Variants in DDX49 observed in about 807,000 individuals in gnomAD.
The protein encoded by DDX49 is DEAD-box helicase 49, also known as probable ATP-dependent RNA helicase DDX49.
Under a neutral mutation model 56.3 loss-of-function variants are expected in DDX49, and 50 were observed. The observed-to-expected ratio is 0.89, with a 90% CI of 0.71 to 1.12. The LOEUF is 1.12. Ranked by LOEUF, DDX49 falls within the 50% of genes most tolerant of loss-of-function variation. The probability of loss-of-function intolerance (pLI) is 0.00; values close to 1 mark genes in which losing one functional copy is unlikely to be tolerated. For synonymous variants in DDX49, 269 were observed against 270.6 expected (o/e 0.99, Z 0.06); for missense variants, 614 against 650.5 (o/e 0.94, Z 0.61).
intron 4 of DDX49, 157 bp downstream of exon 4, chr19:18,922,121 C>T (rs1601249224): frequency 8.1e-7 from 1 of 1,227,256 alleles, no homozygotes; most frequent in East Asian, 2.6e-5. Flanking sequence ...CGTTCAAGGA[C>T]CAACAAGAGG....
In DDX49 at chr19:18,919,849, C is replaced by A. The variant is rs1446922794; in HGVS notation, c.108C>A (p.Ile36=). ...TPVQLGCIPA[I]LEGRDCLGCA... ...TGCAGCTCGGCTGCATCCCCGCCATCCTGGAGGGTGAGTATGGCCCAGGGC... is the reference window on the plus strand; with the variant it reads ...TGCAGCTCGGCTGCATCCCCGCCATACTGGAGGGTGAGTATGGCCCAGGGC... Residue 36 remains isoleucine, a synonymous_variant, in exon 1 of 13, where the codon ATC becomes ATA. Transcript: ENST00000247003. 1 of 1,599,586 alleles carries A rather than the reference C, an allele frequency of 6.3e-7. No homozygotes were observed. The highest frequency in any genetic ancestry group is 8.6e-7 in the Non-Finnish European group (1 of 1,168,396).
At chr19:18,926,544 C>T (rs1226798273) in intron 10 of DDX49, among the ~76,000 whole-genome samples, 167 bp downstream of exon 10, 1 of 152,098 alleles carries the variant, frequency 6.6e-6, no homozygotes. Flanking sequence ...GTTCTTTTGC[C>T]CATTTATTGA....
In DDX49 at chr19:18,926,463, A is replaced by G. The variant is rs2056962548; in HGVS notation, c.1102+86A>G. 6.5e-6 allele frequency: 8 copies of G among 1,234,252 alleles called. No homozygotes were observed. In the South Asian group the frequency reaches 1.1e-4, roughly 16 times the overall value. 76.5% of individuals were successfully genotyped at this position (1,234,252 alleles called of 1,614,324 possible). A position where few individuals can be genotyped will look rare whatever the true frequency, so the allele number is the denominator to read the frequency against. ...TCGGGGTGAGACCCATTTTCCCGTC[A>G]GACACCAGCCGGCCTGCTCCCGTGA... is the stretch of plus-strand genomic sequence containing the variant. On this transcript the variant is annotated intron_variant, in intron 10 of 12. Coordinates refer to ENST00000247003, the MANE Select transcript of DDX49 (RefSeq NM_019070.5).
At position 18,928,131 on chromosome 19, in the gene DDX49, C is replaced by G. The variant is rs373510240; in HGVS notation, c.1267C>G (p.Pro423Ala). 4.4e-6 allele frequency: 7 copies of G among 1,608,688 alleles called. No individual in the cohort carries two copies. The African/African-American group carries it at 8.0e-5, about 18-fold the overall frequency. ...RKQLILEGKDPDLEAKRKAEL... is the reference protein window; with the variant it reads ...RKQLILEGKDADLEAKRKAEL... ...CCCCTGGTCCTCCCTGTGCCAGGAC[C>G]CTGACCTGGAGGCCAAGCGCAAGGC... Residue 423 changes from proline to alanine, a missense_variant, in exon 13 of 13, where the codon CCT (proline) becomes GCT (alanine). Physicochemically the swap from Pro to Ala is conservative, Grantham distance 27. Transcript: ENST00000247003.
At position 18,920,854 on chromosome 19, in the gene DDX49, A is replaced by C. The variant is rs1370763303; in HGVS notation, c.239+151A>C. On this transcript the variant is annotated intron_variant, in intron 2 of 12. Transcript: ENST00000247003. The stretch of plus-strand genomic sequence containing the variant: ...CTTAGGGGTCCTGCAGAATTAAACA[A>C]GATGGCCCCGGTGCAGTGGCTCACA... The C allele has an allele frequency of 3.9e-6, 3 of 761,796 alleles. No individual in the cohort carries two copies. In the East Asian group the frequency reaches 9.3e-5, roughly 23 times the overall value. The allele number at this position is 761,796 out of a possible 1,614,324, so 47.2% of individuals were successfully genotyped here.
At chr19:18,923,246 G>T (rs2145101325) in intron 6 of DDX49, among the ~76,000 whole-genome samples, 1 of 152,314 alleles carries the variant, frequency 6.6e-6, no homozygotes, top group East Asian at 1.9e-4. Flanking sequence ...TTGGGACTGG[G>T]TGCAGTGACT....
chr19:18,924,749 G>A (rs1264148806), intron 8 of DDX49, 50 bp downstream of exon 8: 5 of 1,613,690 alleles, frequency 3.1e-6, no homozygotes, highest in Non-Finnish European at 4.2e-6. Flanking sequence ...TTTACTACAA[G>A]GCCCCACAGA....
chr19:18,922,630 A>G lies in DDX49; in HGVS notation c.662A>G (p.Gln221Arg). ...GTGAGCACCGTGGAGCAGCTGGACCAGCGCTACCTGCTGGTGCCTGAGAAG... is the reference window on the plus strand; with the variant it reads ...GTGAGCACCGTGGAGCAGCTGGACCGGCGCTACCTGCTGGTGCCTGAGAAG... ...APVSTVEQLD[Q>R]RYLLVPEKVK... is the part of the protein sequence containing the mutation. Residue 221 changes from glutamine (Q) to arginine (R), a missense_variant, in exon 6 of 13, where the codon CAG becomes CGG. Gln to Arg is a conservative substitution (Grantham distance 43). Transcript: ENST00000247003. 6.2e-7 allele frequency: 1 copy of G among 1,613,732 alleles called. No individual in the cohort carries two copies. Among genetic ancestry groups the G allele is most frequent in the Non-Finnish European group, 8.5e-7 (1 of 1,179,894 alleles).
At chr19:18,927,898 CG>C (rs766435289) in intron 11 of DDX49, 44 bp downstream of exon 11, 1 of 1,613,706 alleles carries the variant, frequency 6.2e-7, no homozygotes, top group Non-Finnish European at 8.5e-7. Flanking sequence ...TCTCCAGGGC[CG>C]GGGGTGCTCC....
Position 18,921,566 on chromosome 19 carries a change from C to G in DDX49, c.240-97C>G, listed in dbSNP as rs186351193. 3.3e-6 allele frequency: 4 copies of G among 1,199,850 alleles called. No individual in the cohort carries two copies. The African/African-American group carries it at 4.5e-5, about 14-fold the overall frequency. The allele number at this position is 1,199,850 out of a possible 1,614,324, so 74.3% of individuals were successfully genotyped here. A position where few individuals can be genotyped will look rare whatever the true frequency, so the allele number is the denominator to read the frequency against. On this transcript the variant is annotated intron_variant, in intron 2 of 12. Coordinates refer to ENST00000247003, the MANE Select transcript of DDX49 (RefSeq NM_019070.5). ...TGAACAGGACTGGGCAAGTCAGGAG[C>G]CTGGGGGCTCAGGGAGGAACCCTGG... is the stretch of plus-strand genomic sequence containing the variant.
chr19:18,919,740 G>A lies in DDX49; in HGVS notation c.-2G>A, dbSNP rs1237527111. The A allele has an allele frequency of 2.5e-6, 4 of 1,609,046 alleles. No individual in the cohort carries two copies. In the East Asian group the frequency reaches 6.7e-5, roughly 27 times the overall value. ...AAGGGGCCCCTACAAGCGGCCACAA[G>A]GATGGCAGGCTTCGCGGAGCTCGGG... On this transcript the variant is annotated 5_prime_UTR_variant, in exon 1 of 13. Coordinates refer to ENST00000247003, the MANE Select transcript of DDX49 (RefSeq NM_019070.5).
intron 10 of DDX49, 43 bp downstream of exon 10, chr19:18,926,420 T>TGGGGGG: frequency 2.6e-5 from 5 of 194,810 alleles, no homozygotes; most frequent in Admixed American, 8.4e-5. Flanking sequence ...AGGGGTGGGG[T>TGGGGGG]GGGCAGAGGT....
chr19:18,923,479 G>A (rs960495376), intron 6 of DDX49, among the ~76,000 whole-genome samples: 4 of 152,222 alleles, frequency 2.6e-5, no homozygotes, highest in African/African-American at 9.6e-5. Flanking sequence ...CCGAGATCAC[G>A]CCACTGCACT....
chr19:18,921,893 G>A lies in DDX49; in HGVS notation c.376G>A (p.Ala126Thr), dbSNP rs1391822537. The A allele has an allele frequency of 2.5e-6, 4 of 1,613,784 alleles. No homozygotes were observed. The African/African-American group carries it at 4.0e-5, about 16-fold the overall frequency. Residue 126 changes from alanine (A) to threonine (T), a missense_variant, in exon 4 of 13, where the codon GCC (alanine) becomes ACC (threonine). Transcript: ENST00000247003. The part of the protein sequence containing the change: ...ELSRKPHVVI[A>T]TPGRLADHLR... ...CTCTCGGAAACCACACGTGGTCATC[G>A]CCACGCCGGGGCGCCTGGCAGATCA... is the stretch of plus-strand genomic sequence containing the variant.
chr19:18,921,774 GC>G (rs762744802), intron 3 of DDX49, 26 bp downstream of exon 3: 1 of 1,614,060 alleles, frequency 6.2e-7, no homozygotes. Context: ...GGCGGGGGAA[GC>G]CCCAGCATGG....
At chr19:18,920,170 A>C (rs971338246) in intron 1 of DDX49, among the ~76,000 whole-genome samples, 55 of 152,158 alleles carry the variant, frequency 3.6e-4, no homozygotes, top group Non-Finnish European at 1.6e-4. Flanking sequence ...TATTTTACAA[A>C]TAGAAGTTGA....
At chr19:18,920,916 G>T in intron 2 of DDX49, 1 of 363,728 alleles carries the variant, frequency 2.7e-6, no homozygotes. Context: ...CCAGGTGAGC[G>T]GATCACTTGA....
intron 10 of DDX49, 36 bp from the exon 11 acceptor site, chr19:18,927,730 T>TA: frequency 6.4e-7 from 1 of 1,561,164 alleles, no homozygotes; most frequent in Non-Finnish European, 8.8e-7. Context: ...TCACGTCTCC[T>TA]CCCCACCCCC....
In DDX49 at chr19:18,928,612, G is replaced by A. The variant is rs1568332720; in HGVS notation, c.*296G>A. 24 of 345,088 alleles carry A rather than the reference G, an allele frequency of 7.0e-5. No homozygotes were observed. In the East Asian group the frequency reaches 9.2e-4, roughly 13 times the overall value. The allele number at this position is 345,088 out of a possible 1,614,324, so 21.4% of individuals were successfully genotyped here. A position where few individuals can be genotyped will look rare whatever the true frequency, so the allele number is the denominator to read the frequency against. ...CGCATACAGGAGGTGCTTAATAAAC[G>A]GGTCTTTTGACTTCCTCAGTCTGAC... On this transcript the variant is annotated 3_prime_UTR_variant, in exon 13 of 13. Transcript: ENST00000247003.
Sources: allele counts gnomAD v4.1 joint callset (sites outside exome capture counted in the v4.1 genomes callset), GRCh38; gene constraint gnomAD v4.1.1; transcripts MANE v1.5; gene names NCBI Gene and HGNC (gene_info 2026-07-23, HGNC 2026-07-21).